The following IGF2BP2 variants were observed in gnomAD, a reference collection of about 807,000 sequenced individuals.
The protein encoded by IGF2BP2 is insulin like growth factor 2 mRNA binding protein 2, also known as insulin-like growth factor 2 mRNA-binding protein 2.
IGF2BP2 carries 17 observed loss-of-function variants against 75.8 expected under a neutral mutation model. The ratio of observed to expected loss-of-function variants is 0.22; its 90% CI spans 0.15 to 0.34. The LOEUF is 0.34. Ranked by LOEUF, IGF2BP2 falls within the 10% of genes least tolerant of loss-of-function variation. The pLI is 1.00. For synonymous variants in IGF2BP2, 288 were observed against 295.6 expected (o/e 0.97, Z 0.26); for missense variants, 516 against 772.4 (o/e 0.67, Z 3.93).
At chr3:185,708,467 T>G (rs1305373762) in intron 2 of IGF2BP2, among the ~76,000 whole-genome samples, 1 of 152,134 alleles carries the variant, frequency 6.6e-6, no homozygotes, top group Admixed American at 6.6e-5. Flanking sequence ...GCTCACTCTT[T>G]GCTCCTCAAA....
intron 10 of IGF2BP2, among the ~76,000 whole-genome samples, chr3:185,659,378 ATTTC>A (rs1458650580): frequency 5.3e-5 from 8 of 152,136 alleles, no homozygotes; most frequent in Non-Finnish European, 7.4e-5. Context: ...CTTTTATTTT[ATTTC>A]TTTATTTTTG....
At chr3:185,751,475 G>A (rs543710005) in intron 2 of IGF2BP2, among the ~76,000 whole-genome samples, 21 of 150,460 alleles carry the variant, frequency 1.4e-4, no homozygotes, top group Non-Finnish European at 2.7e-4. Flanking sequence ...GTACTCAGGA[G>A]GCTGAGGCAG....
intron 2 of IGF2BP2, among the ~76,000 whole-genome samples, chr3:185,818,409 T>C (rs1029403577): frequency 2.0e-5 from 3 of 152,168 alleles, no homozygotes; most frequent in Non-Finnish European, 4.4e-5. Flanking sequence ...GAGTTATTCA[T>C]CACTCAAGGC....
intron 2 of IGF2BP2, among the ~76,000 whole-genome samples, chr3:185,793,925 T>C (rs1471919914): frequency 6.6e-6 from 1 of 150,780 alleles, no homozygotes; most frequent in Non-Finnish European, 1.5e-5. Flanking sequence ...TTTGCAAACA[T>C]GCCCCAGATA....
At chr3:185,754,496 T>C (rs1334114395) in intron 2 of IGF2BP2, among the ~76,000 whole-genome samples, 1 of 152,120 alleles carries the variant, frequency 6.6e-6, no homozygotes, top group African/African-American at 2.4e-5. Flanking sequence ...GGCACTGCTA[T>C]AAAGATAAAG....
At chr3:185,760,392 G>A (rs1732198474) in intron 2 of IGF2BP2, among the ~76,000 whole-genome samples, 1 of 152,016 alleles carries the variant, frequency 6.6e-6, no homozygotes, top group African/African-American at 2.4e-5. Context: ...GCTTTATTGA[G>A]ATGTAATTCA....
chr3:185,812,219 T>A (rs991363181), intron 2 of IGF2BP2, among the ~76,000 whole-genome samples: 2 of 152,080 alleles, frequency 1.3e-5, no homozygotes, highest in African/African-American at 4.8e-5. Flanking sequence ...TCAAGAAGGA[T>A]TAGCAAGCCA....
At chr3:185,646,525 G>A (rs992111063) in intron 15 of IGF2BP2, among the ~76,000 whole-genome samples, 3 of 152,222 alleles carry the variant, frequency 2.0e-5, no homozygotes, top group Non-Finnish European at 4.4e-5. Flanking sequence ...TGAAAGAGAA[G>A]CGGCTGTGTG....
chr3:185,719,445 C>T (rs1726160335), intron 2 of IGF2BP2, among the ~76,000 whole-genome samples: 1 of 152,156 alleles, frequency 6.6e-6, no homozygotes, highest in Non-Finnish European at 1.5e-5. Context: ...CCTTCATGTG[C>T]TTCATCTTAT....
chr3:185,718,795 A>T (rs533798378), intron 2 of IGF2BP2, among the ~76,000 whole-genome samples: 5 of 152,204 alleles, frequency 3.3e-5, no homozygotes, highest in African/African-American at 1.2e-4. Context: ...CAAAGCCACG[A>T]TCAAAACCTG....
At position 185,698,574 on chromosome 3, in the gene IGF2BP2, G is replaced by A. The variant is rs188502771; in HGVS notation, c.240-227C>T. Among the ~76,000 whole-genome samples, 19 of 152,160 alleles carry A rather than the reference G, an allele frequency of 1.2e-4. No individual in the cohort carries two copies. In the East Asian group the frequency reaches 2.9e-3, roughly 23 times the overall value. ...GCTGGAGTATAGGTGGTGCGGTCTC[G>A]GCTCACTGCAACCTCTGCCTCCCAG... On this transcript the variant is annotated intron_variant, in intron 2 of 15. Coordinates refer to ENST00000382199, the MANE Select transcript of IGF2BP2 (RefSeq NM_006548.6).
chr3:185,693,063 T>C (rs532701635), intron 4 of IGF2BP2: 17 of 241,792 alleles, frequency 7.0e-5, no homozygotes, highest in Non-Finnish European at 1.2e-4. Context: ...TTTTAATGTC[T>C]ATATAAAATT....
chr3:185,823,285 A>T, intron 1 of IGF2BP2, 72 bp from the exon 2 acceptor site: 1 of 1,150,404 alleles, frequency 8.7e-7, no homozygotes, highest in Non-Finnish European at 1.3e-6. Flanking sequence ...GGGGGCACGC[A>T]CGGAACTCCA....
rs746947209 is a variant in IGF2BP2, at chr3:185,675,281, G to A, written c.1071+15C>T. 2 of 1,600,012 alleles carry A rather than the reference G, an allele frequency of 1.2e-6. No homozygotes were observed. Among genetic ancestry groups the A allele is most frequent in the African/African-American group, 2.7e-5 (2 of 73,912 alleles). ...CTAGTGAAAACCAGCGGAGAAGAAAGCATTAGGGACTTACGTTAACAGCCA... is the reference window on the plus strand; with the variant it reads ...CTAGTGAAAACCAGCGGAGAAGAAAACATTAGGGACTTACGTTAACAGCCA... On this transcript the variant is annotated intron_variant, in intron 9 of 15. Transcript: ENST00000382199.
chr3:185,824,922 G>T lies in IGF2BP2; in HGVS notation c.39C>A (p.Ala13=), dbSNP rs369642968. 6 of 1,563,976 alleles carry T rather than the reference G, an allele frequency of 3.8e-6. No homozygotes were observed. The highest frequency in any genetic ancestry group is 1.2e-5 in the South Asian group (1 of 85,458). ...GCTGCCGGAGGTCGTCGGCGGTGAC[G>T]GCGGGGCTCAGGTTCCCGATGTAAA... ...NKLYIGNLSP[A]VTADDLRQLF... is the part of the protein sequence containing the mutation. The change falls in exon 1 of 16, where the codon GCC becomes GCA. Residue 13 remains alanine, a synonymous_variant. Transcript: ENST00000382199.
intron 2 of IGF2BP2, among the ~76,000 whole-genome samples, chr3:185,732,909 G>A (rs1444176147): frequency 6.6e-6 from 1 of 152,106 alleles, no homozygotes; most frequent in Non-Finnish European, 1.5e-5. Flanking sequence ...CATACCTCAG[G>A]ATGTTACAGC....
intron 2 of IGF2BP2, among the ~76,000 whole-genome samples, chr3:185,745,810 A>G (rs1038918224): frequency 3.3e-5 from 5 of 151,806 alleles, no homozygotes; most frequent in African/African-American, 1.2e-4. Context: ...TATCACTCGC[A>G]CCATTTCGTA....
intron 2 of IGF2BP2, among the ~76,000 whole-genome samples, chr3:185,747,635 C>T (rs993321553): frequency 2.6e-5 from 4 of 151,928 alleles, no homozygotes; most frequent in Non-Finnish European, 5.9e-5. Context: ...GCTAAGATCA[C>T]ACCATTGCAC....
chr3:185,821,669 G>T (rs1741395266), intron 2 of IGF2BP2, among the ~76,000 whole-genome samples: 1 of 151,704 alleles, frequency 6.6e-6, no homozygotes, highest in Middle Eastern at 3.4e-3. Context: ...ACCCCCAAAA[G>T]TATTCACAAC....
Sources: gnomAD v4.1 joint callset for allele counts (sites outside exome capture counted in the v4.1 genomes callset) on GRCh38, gnomAD v4.1.1 for gene constraint, MANE v1.5 for transcripts, NCBI Gene and HGNC (gene_info 2026-07-23, HGNC 2026-07-21) for gene names.